The following PKD1 variants were observed in gnomAD, a reference collection of about 807,000 sequenced individuals.
The protein encoded by PKD1 is polycystin 1, transient receptor potential channel interacting.
A neutral mutation model predicts 361.7 loss-of-function variants in PKD1; 81 were observed. That is an observed-to-expected ratio of 0.22 (90% CI 0.19 to 0.27). The LOEUF (loss-of-function observed/expected upper bound fraction) is 0.27, where lower values mean the gene tolerates loss of function less well. Among genes scored for constraint, PKD1 ranks in the 10% least tolerant of loss-of-function variants. PKD1 has a pLI of 1.00. For missense variants in PKD1, 6,399 were observed against 6,118.3 expected (o/e 1.05, Z -1.53); for synonymous variants, 3,615 against 2,818.3 (o/e 1.28, Z -8.95).
At chr16:2,120,993 G>A (rs1202069196) in intron 1 of PKD1, among the ~76,000 whole-genome samples, 1 of 151,224 alleles carries the variant, frequency 6.6e-6, no homozygotes, top group African/African-American at 2.4e-5. Flanking sequence ...ATCCAGCCTG[G>A]TGACAGAGCG....
rs1336937195 is a variant in PKD1, at chr16:2,094,199, G to A, written c.10511C>T (p.Pro3504Leu). ...CGCCAGCGTCTCTGTCTTCTCCCCA[G>A]GAGTGCTGGACCTGAGGGACATGGT... is the stretch of plus-strand genomic sequence containing the variant. ...TDLLSSLSSTPGEKTETLALQ... is the reference protein window; with the variant it reads ...TDLLSSLSSTLGEKTETLALQ... The change falls in exon 35 of 46, where the codon CCT (proline) becomes CTT (leucine). Residue 3504 changes from proline (P) to leucine (L), a missense_variant. Transcript: ENST00000262304. 1 of 1,597,446 alleles carries A rather than the reference G, an allele frequency of 6.3e-7. No homozygotes were observed. The highest frequency in any genetic ancestry group is 1.7e-5 in the Admixed American group (1 of 59,748).
In PKD1 at chr16:2,089,924, G is replaced by A; in HGVS notation, c.12715C>T (p.Leu4239=). The A allele has an allele frequency of 1.9e-6, 3 of 1,612,182 alleles. No homozygotes were observed. In the East Asian group the frequency reaches 6.7e-5, roughly 36 times the overall value. ...LNQATEDVYQ[L]EQQLHSLQGR... ...TGCAGGCTGTGCAGCTGCTGCTCCA[G>A]CTGGTAGACGTCCTCTGTGGCCTGG... Residue 4239 remains leucine (L), a synonymous_variant, in exon 46 of 46, where the codon CTG becomes TTG. Transcript: ENST00000262304.
rs571270719 is a variant in PKD1 at position 2,118,317 on chromosome 16, C to G, written c.675G>C (p.Ser225=). The G allele has an allele frequency of 5.9e-6, 9 of 1,514,630 alleles. No individual in the cohort carries two copies. The African/African-American group carries it at 8.3e-5, about 14-fold the overall frequency. 93.8% of individuals were successfully genotyped at this position (1,514,630 alleles called of 1,614,324 possible). A position where few individuals can be genotyped will look rare whatever the true frequency, so the allele number is the denominator to read the frequency against. The change falls in exon 5 of 46, where the codon TCG becomes TCC. Residue 225 remains serine (S), a synonymous_variant. Transcript: ENST00000262304. This position sits in a 1 kb window ranked among gnomAD's most constrained non-coding sequence, Gnocchi z 6.0. ...CCCCACACAGGCACCAGCCCTGCTCCGAGAGGGCTGCGAGGCCCTGGCCGG... is the reference window on the plus strand; with the variant it reads ...CCCCACACAGGCACCAGCCCTGCTCGGAGAGGGCTGCGAGGCCCTGGCCGG... The part of the protein sequence containing the change: ...FSTGQGLAAL[S]EQGWCLCGAA...
Position 2,103,482 on chromosome 16 carries a change from C to T in PKD1, c.8575G>A (p.Ala2859Thr), listed in dbSNP as rs201905743. ...ASMAFQTQAGAQIPIERLASE... is the reference protein window; with the variant it reads ...ASMAFQTQAGTQIPIERLASE... ...GCCAGCCGCTCGATGGGGATCTGGGCGCCGGCCTGTGTCTGGAATGCCATC... is the reference window on the plus strand; with the variant it reads ...GCCAGCCGCTCGATGGGGATCTGGGTGCCGGCCTGTGTCTGGAATGCCATC... Residue 2859 changes from alanine to threonine, a missense_variant, in exon 23 of 46, where the codon GCC (alanine) becomes ACC (threonine). Transcript: ENST00000262304. 147 of 1,601,482 alleles carry T rather than the reference C, an allele frequency of 9.2e-5. No individual in the cohort carries two copies. Among genetic ancestry groups the T allele is most frequent in the Middle Eastern group, 2.2e-4 (1 of 4,452 alleles).
Position 2,094,152 on chromosome 16 carries a change from C to T in PKD1, c.10558G>A (p.Gly3520Arg). The T allele has an allele frequency of 6.2e-7, 1 of 1,600,852 alleles. No homozygotes were observed. Among genetic ancestry groups the T allele is most frequent in the Non-Finnish European group, 8.5e-7 (1 of 1,173,964 alleles). The change falls in exon 35 of 46, where the codon GGG (glycine) becomes AGG (arginine). Residue 3520 changes from glycine to arginine, a missense_variant. By Grantham distance (125) the Gly-to-Arg change is moderately radical (BLOSUM62 -2). Transcript: ENST00000262304. ...TLALQRLGEL[G>R]PPSPGLNWEQ... The stretch of plus-strand genomic sequence containing the variant: ...CAGTTCAGGCCTGGGCTGGGTGGCC[C>T]CAGCTCCCCCAGCCTCTGCAGCGCC...
At position 2,113,101 on chromosome 16, in the gene PKD1, G is replaced by A. The variant is rs1372109769; in HGVS notation, c.2985+60C>T. 8.1e-6 allele frequency: 7 copies of A among 866,228 alleles called. No individual in the cohort carries two copies. In the Admixed American group the frequency reaches 1.0e-4, roughly 12 times the overall value. 53.7% of individuals were successfully genotyped at this position (866,228 alleles called of 1,614,324 possible). A position where few individuals can be genotyped will look rare whatever the true frequency, so the allele number is the denominator to read the frequency against. Reference sequence around the variant, plus strand: ...CAGAGCAGAAGGCAGAGGTGAAGGTGGAGCCCGCCCCCGCCCTGCCCCGCC... The same window carrying A: ...CAGAGCAGAAGGCAGAGGTGAAGGTAGAGCCCGCCCCCGCCCTGCCCCGCC... On this transcript the variant is annotated intron_variant, in intron 12 of 45. Coordinates refer to ENST00000262304, the MANE Select transcript of PKD1 (RefSeq NM_001009944.3).
At chr16:2,101,834 C>T in intron 26 of PKD1, 1 of 614,526 alleles carries the variant, frequency 1.6e-6, no homozygotes, top group Non-Finnish European at 2.9e-6. Flanking sequence ...AGAACGTGGG[C>T]TGCCCACCCT....
Position 2,106,866 on chromosome 16 carries a change from C to T in PKD1, c.7148G>A (p.Arg2383His), listed in dbSNP as rs753469193. 2.4e-5 allele frequency: 37 copies of T among 1,547,426 alleles called. No homozygotes were observed. The South Asian group carries it at 2.9e-4, about 12-fold the overall frequency. Reference protein sequence around the residue: ...CKAQAVYEVSRSSYVYLEGRC... With the variant: ...CKAQAVYEVSHSSYVYLEGRC... ...GCCCTCCAAGTACACGTAGGAGCTG[C>T]GGCTCACTTCGTACACGGCCTGTGC... The change falls in exon 17 of 46, where the codon CGC (arginine) becomes CAC (histidine). Residue 2383 changes from arginine to histidine, a missense_variant. By Grantham distance (29) the Arg-to-His change is conservative (BLOSUM62 0). Transcript: ENST00000262304. The surrounding 1 kb of genome is among the most constrained non-coding windows in gnomAD (Gnocchi z 6.5).
Position 2,114,211 on chromosome 16 carries a change from T to C in PKD1, c.2812A>G (p.Thr938Ala). ...AGTACACGGGCCTCGGGGCTGGGCG[T>C]GGCGCGGAGGCCACAGATGGGCTCC... is the stretch of plus-strand genomic sequence containing the variant. ...AEEPICGLRA[T>A]PSPEARVLQG... The change falls in exon 11 of 46, where the codon ACG (threonine) becomes GCG (alanine). Residue 938 changes from threonine (T) to alanine (A), a missense_variant. Physicochemically the swap from Thr to Ala is moderately conservative, Grantham distance 58. Coordinates refer to ENST00000262304, the MANE Select transcript of PKD1 (RefSeq NM_001009944.3). 1.2e-6 allele frequency: 2 copies of C among 1,609,680 alleles called. No individual in the cohort carries two copies. Among genetic ancestry groups the C allele is most frequent in the African/African-American group, 1.3e-5 (1 of 74,970 alleles).
chr16:2,115,710 G>A, intron 9 of PKD1, 85 bp from the exon 10 acceptor site: 1 of 1,332,294 alleles, frequency 7.5e-7, no homozygotes, highest in Non-Finnish European at 1.0e-6. Context: ...AGCAATCCTG[G>A]CCTTGCTGTG....
At position 2,108,919 on chromosome 16, in the gene PKD1, G is replaced by A. The variant is rs1383930225; in HGVS notation, c.6248C>T (p.Thr2083Ile). Residue 2083 changes from threonine to isoleucine, a missense_variant, in exon 15 of 46, where the codon ACC (threonine) becomes ATC (isoleucine). Transcript: ENST00000262304. ...TNRSAQFEAA[T>I]SPSPRRVAYH... is the part of the protein sequence containing the mutation. ...GGCCACACGCCGGGGGCTGGGGCTG[G>A]TGGCGGCCTCAAACTGCGCCGAGCG... is the stretch of plus-strand genomic sequence containing the variant. The A allele has an allele frequency of 6.3e-6, 10 of 1,592,590 alleles. No homozygotes were observed. In the East Asian group the frequency reaches 2.3e-4, roughly 37 times the overall value.
intron 1 of PKD1, among the ~76,000 whole-genome samples, chr16:2,121,026 A>AAAAAG (rs951497581): frequency 6.6e-6 from 1 of 151,962 alleles, no homozygotes; most frequent in African/African-American, 2.4e-5. Flanking sequence ...AAAAGAAAAA[A>AAAAAG]AAAAGAAAAG....
In PKD1 at chr16:2,108,427, G is replaced by A; in HGVS notation, c.6740C>T (p.Ala2247Val). The change falls in exon 15 of 46, where the codon GCC (alanine) becomes GTC (valine). Residue 2247 changes from alanine to valine, a missense_variant. Physicochemically the swap from Ala to Val is moderately conservative, Grantham distance 64. Coordinates refer to ENST00000262304, the MANE Select transcript of PKD1 (RefSeq NM_001009944.3). ...GCGCTCGGGGGCCACCGTCACATTG[G>A]CCTGGATGCTCTGTGTCAGTGGCGT... ...GDTPLTQSIQ[A>V]NVTVAPERLV... 1 of 1,610,546 alleles carries A rather than the reference G, an allele frequency of 6.2e-7. No homozygotes were observed. The highest frequency in any genetic ancestry group is 1.7e-5 in the Admixed American group (1 of 60,020).
chr16:2,102,495 C>T lies in PKD1; in HGVS notation c.9087G>A (p.Gly3029=). The T allele has an allele frequency of 3.2e-6, 5 of 1,582,402 alleles. No homozygotes were observed. Among genetic ancestry groups the T allele is most frequent in the Non-Finnish European group, 4.3e-6 (5 of 1,166,280 alleles). ...SEEDMVWRTE[G]LLPLEETSPR... The stretch of plus-strand genomic sequence containing the variant: ...GCGAGGTCTCCTCCAGGGGCAGCAG[C>T]CCCTCTGTCCGCCACACCATGTCCT... The change falls in exon 25 of 46, where the codon GGG becomes GGA. Residue 3029 remains glycine, a synonymous_variant. Transcript: ENST00000262304.
chr16:2,093,788 C>G (rs754499177), intron 36 of PKD1, 23 bp downstream of exon 36: 104 of 1,555,824 alleles, frequency 6.7e-5, no homozygotes, highest in Non-Finnish European at 8.8e-5. Flanking sequence ...AGGCCTGTAG[C>G]CTACCCCTGG....
chr16:2,101,756 C>A (rs769213822), intron 26 of PKD1, among the ~76,000 whole-genome samples: 1 of 152,268 alleles, frequency 6.6e-6, no homozygotes, highest in Non-Finnish European at 1.5e-5. Flanking sequence ...GTCAGGATCG[C>A]GGGTGGATGC....
intron 1 of PKD1, among the ~76,000 whole-genome samples, chr16:2,128,390 G>C (rs1036021617): frequency 4.7e-5 from 7 of 150,452 alleles, no homozygotes; most frequent in Non-Finnish European, 1.0e-4. Flanking sequence ...CTGGGCGCAG[G>C]GCCCCTCAGC....
rs544427622 is a variant in PKD1 at position 2,108,806 on chromosome 16, G to C, written c.6361C>G (p.Arg2121Gly). 2 of 1,568,476 alleles carry C rather than the reference G, an allele frequency of 1.3e-6. No homozygotes were observed. The highest frequency in any genetic ancestry group is 2.7e-5 in the African/African-American group (2 of 73,850). The change falls in exon 15 of 46, where the codon CGC (arginine) becomes GGC (glycine). Residue 2121 changes from arginine to glycine, a missense_variant. Physicochemically the swap from Arg to Gly is moderately radical, Grantham distance 125. Coordinates refer to ENST00000262304, the MANE Select transcript of PKD1 (RefSeq NM_001009944.3). ...EHSYLRPGDYRVQVNASNLVS... is the reference protein window; with the variant it reads ...EHSYLRPGDYGVQVNASNLVS... ...AGGTTGGAGGCGTTCACCTGCACGC[G>C]GTAGTCCCCAGGCCTCAGGTAGGAG...
At chr16:2,092,328 T>A in intron 39 of PKD1, 140 bp from the exon 40 acceptor site, 1 of 1,029,438 alleles carries the variant, frequency 9.7e-7, no homozygotes. Context: ...TAGACAACGT[T>A]ACCATCTCTC....
Sources: gnomAD v4.1 joint callset for allele counts (sites outside exome capture counted in the v4.1 genomes callset) on GRCh38, gnomAD v4.1.1 for gene constraint, Gnocchi (gnomAD v3.1) non-coding constraint, MANE v1.5 for transcripts, NCBI Gene and HGNC (gene_info 2026-07-23, HGNC 2026-07-21) for gene names.